NUCKS1: variants seen among roughly 807,000 people sequenced by gnomAD.
NUCKS1 encodes the protein nuclear ubiquitous casein and cyclin-dependent kinase substrate 1.
In NUCKS1, 2 loss-of-function variants were observed where a neutral mutation model predicts 33.0. That is an observed-to-expected ratio of 0.06 (90% CI 0.02 to 0.19). The LOEUF (loss-of-function observed/expected upper bound fraction) is 0.19. Ranked by LOEUF, NUCKS1 falls within the 10% of genes least tolerant of loss-of-function variation. The pLI is 1.00. For synonymous variants in NUCKS1, 106 were observed against 102.8 expected (o/e 1.03, Z -0.19); for missense variants, 201 against 293.6 (o/e 0.68, Z 2.31).
At chr1:205,743,004 T>G (rs1654218575) in intron 1 of NUCKS1, among the ~76,000 whole-genome samples, 1 of 152,136 alleles carries the variant, frequency 6.6e-6, no homozygotes, top group African/African-American at 2.4e-5. Context: ...AAAATGCAAA[T>G]TTAACACTTT....
intron 2 of NUCKS1, among the ~76,000 whole-genome samples, chr1:205,728,887 G>A (rs1466709419): frequency 6.6e-6 from 1 of 152,088 alleles, no homozygotes; most frequent in Non-Finnish European, 1.5e-5. Context: ...CAAGGCACAA[G>A]TTTTATTGTA....
chr1:205,721,677 T>A (rs1464353931), intron 4 of NUCKS1, among the ~76,000 whole-genome samples: 2 of 136,574 alleles, frequency 1.5e-5, no homozygotes, highest in Admixed American at 1.4e-4. Context: ...GTGGAAAACC[T>A]TTTTTTTTTT....
Position 205,723,978 on chromosome 1 carries a change from C to G in NUCKS1, c.177G>C (p.Glu59Asp), listed in dbSNP as rs748676927. The part of the protein sequence containing the change: ...RSGKNSQEDS[E>D]DSEDKDVKTK... The stretch of plus-strand genomic sequence containing the variant: ...TCTTCACATCTTTGTCTTCTGAGTC[C>G]TCACTATAAAGGGAGGCAAAAAAGC... Residue 59 changes from glutamate (E) to aspartate (D), a missense_variant, in exon 4 of 7, where the codon GAG (glutamate) becomes GAC (aspartate). Glu to Asp is a conservative substitution (Grantham distance 45). Transcript: ENST00000367142. 1.9e-6 allele frequency: 3 copies of G among 1,611,824 alleles called. No homozygotes were observed. The highest frequency in any genetic ancestry group is 1.1e-5 in the South Asian group (1 of 91,006).
In NUCKS1 at chr1:205,750,018, A is replaced by AGCCCCCCCCCC; in HGVS notation, c.-46_-45insGGGGGGGGGGC. The AGCCCCCCCCCC allele has an allele frequency of 1.0e-6, 1 of 964,084 alleles. No homozygotes were observed. The highest frequency in any genetic ancestry group is 1.5e-6 in the Non-Finnish European group (1 of 684,578). The allele number at this position is 964,084 out of a possible 1,614,324, so 59.7% of individuals were successfully genotyped here. ...CCGAGTCGAGAAGCCAAAGACCAGGACCCCCCCCACCCCGCGCGCTCGGCG... is the reference window on the plus strand; with the variant it reads ...CCGAGTCGAGAAGCCAAAGACCAGGAGCCCCCCCCCCCCCCCCCCACCCCGCGCGCTCGGCG... On this transcript the variant is annotated 5_prime_UTR_variant, in exon 1 of 7. Coordinates refer to ENST00000367142, the MANE Select transcript of NUCKS1 (RefSeq NM_022731.5).
intron 1 of NUCKS1, among the ~76,000 whole-genome samples, chr1:205,737,516 G>A (rs543702174): frequency 2.6e-5 from 4 of 152,300 alleles, no homozygotes; most frequent in East Asian, 1.9e-4. Context: ...AGCCCTCTCC[G>A]GGTAAGGCTG....
intron 1 of NUCKS1, among the ~76,000 whole-genome samples, chr1:205,734,523 G>C (rs186632203): frequency 6.6e-6 from 1 of 152,162 alleles, no homozygotes; most frequent in East Asian, 1.9e-4. Flanking sequence ...AAATGCTAAA[G>C]AGGGAAAAGA....
rs746939778 is a variant in NUCKS1, at chr1:205,750,051, C to T, written c.-78G>A. On this transcript the variant is annotated 5_prime_UTR_variant, in exon 1 of 7. Coordinates refer to ENST00000367142, the MANE Select transcript of NUCKS1 (RefSeq NM_022731.5). ...CACCCCGCGCGCTCGGCGCCCCACC[C>T]CCCCCGAACTTCAGCCGATGGGACC... 1.6e-6 allele frequency: 2 copies of T among 1,264,762 alleles called. No individual in the cohort carries two copies. The highest frequency in any genetic ancestry group is 2.1e-6 in the Non-Finnish European group (2 of 952,834). 78.3% of individuals were successfully genotyped at this position (1,264,762 alleles called of 1,614,324 possible). A position where few individuals can be genotyped will look rare whatever the true frequency, so the allele number is the denominator to read the frequency against.
chr1:205,716,428 G>C lies in NUCKS1; in HGVS notation c.*1852C>G, dbSNP rs1233115027. On this transcript the variant is annotated 3_prime_UTR_variant, in exon 7 of 7. Transcript: ENST00000367142. ...CTGAACAAACCCATTTAGGCAAATA[G>C]ATTAATCTTTAACACCCTCATTACA... 2 of 152,156 alleles carry C rather than the reference G, an allele frequency of 1.3e-5. No homozygotes were observed. The highest frequency in any genetic ancestry group is 1.5e-5 in the Non-Finnish European group (1 of 68,018). 9.4% of individuals were successfully genotyped at this position (152,156 alleles called of 1,614,324 possible). A position where few individuals can be genotyped will look rare whatever the true frequency, so the allele number is the denominator to read the frequency against.
At chr1:205,721,452 CATT>C (rs1671914932) in intron 4 of NUCKS1, among the ~76,000 whole-genome samples, 1 of 152,272 alleles carries the variant, frequency 6.6e-6, no homozygotes, top group South Asian at 2.1e-4. Flanking sequence ...AAAGTTACAT[CATT>C]GCTTTGCTCT....
intron 3 of NUCKS1, 123 bp from the exon 4 acceptor site, chr1:205,724,104 A>G (rs1198712693): frequency 1.3e-6 from 1 of 786,558 alleles, no homozygotes; most frequent in Non-Finnish European, 2.3e-6. Flanking sequence ...AAATCTTCAA[A>G]CAAATGCTAA....
intron 1 of NUCKS1, among the ~76,000 whole-genome samples, chr1:205,742,071 G>T (rs1654190040): frequency 6.6e-6 from 1 of 152,232 alleles, no homozygotes; most frequent in South Asian, 2.1e-4. Flanking sequence ...TGGAAGACAA[G>T]CAGCTGTATG....
rs115707497 is a variant in NUCKS1, at chr1:205,735,280, A to G, written c.18-5659T>C. Among the ~76,000 whole-genome samples, 626 of 152,290 alleles carry G rather than the reference A, an allele frequency of 4.1e-3. 1 individual carries two copies. Among genetic ancestry groups the G allele is most frequent in the African/African-American group, 0.012 (491 of 41,556 alleles). Reference sequence around the variant, plus strand: ...TATAAATACCTACCATTGTGTTACAATTGCTTACAGTATTCAGTACAGTAA... The same window carrying G: ...TATAAATACCTACCATTGTGTTACAGTTGCTTACAGTATTCAGTACAGTAA... On this transcript the variant is annotated intron_variant, in intron 1 of 6. Transcript: ENST00000367142.
chr1:205,725,921 C>T (rs1653763685), intron 3 of NUCKS1, among the ~76,000 whole-genome samples: 1 of 152,122 alleles, frequency 6.6e-6, no homozygotes, highest in South Asian at 2.1e-4. Flanking sequence ...AACTGTTTGG[C>T]CCGGCGCGGT....
intron 1 of NUCKS1, among the ~76,000 whole-genome samples, chr1:205,749,439 C>G (rs1300398331): frequency 6.6e-6 from 1 of 152,204 alleles, no homozygotes; most frequent in African/African-American, 2.4e-5. Context: ...CTGCCCCTCC[C>G]CCTTTGCCAG....
At chr1:205,739,688 T>G (rs1654117397) in intron 1 of NUCKS1, among the ~76,000 whole-genome samples, 1 of 152,110 alleles carries the variant, frequency 6.6e-6, no homozygotes, top group Non-Finnish European at 1.5e-5. Context: ...ACTCCTGAGC[T>G]CAAGCAATCT....
chr1:205,718,426 T>C lies in NUCKS1; in HGVS notation c.586A>G (p.Lys196Glu). The C allele has an allele frequency of 6.2e-7, 1 of 1,612,982 alleles. No individual in the cohort carries two copies. The highest frequency in any genetic ancestry group is 8.5e-7 in the Non-Finnish European group (1 of 1,179,910). ...KGKVGRPTAS[K>E]ASKEKTPSPK... ...GAAGGAGTCTTTTCCTTTGATGCCT[T>C]TGAAGCTGTGGGGCGACCCACTTTC... Residue 196 changes from lysine (K) to glutamate (E), a missense_variant, in exon 7 of 7, where the codon AAG (lysine) becomes GAG (glutamate). By Grantham distance (56) the Lys-to-Glu change is moderately conservative (BLOSUM62 1). Transcript: ENST00000367142.
chr1:205,742,973 T>C (rs1258527108), intron 1 of NUCKS1, among the ~76,000 whole-genome samples: 1 of 152,206 alleles, frequency 6.6e-6, no homozygotes, highest in Non-Finnish European at 1.5e-5. Flanking sequence ...CACATTCCTT[T>C]TACAGCTAGG....
chr1:205,747,871 A>G (rs998397324), intron 1 of NUCKS1, among the ~76,000 whole-genome samples: 11 of 152,244 alleles, frequency 7.2e-5, no homozygotes, highest in Admixed American at 1.3e-4. Context: ...ACTCAAGTTT[A>G]ATTATTTCTG....
chr1:205,723,781 A>C (rs1571572664), intron 4 of NUCKS1, 145 bp downstream of exon 4: 3 of 599,806 alleles, frequency 5.0e-6, no homozygotes, highest in Non-Finnish European at 8.8e-6. Context: ...CAGGACTGAC[A>C]ATCATTAGGA....
Sources: gnomAD v4.1 joint callset for allele counts (sites outside exome capture counted in the v4.1 genomes callset) on GRCh38, gnomAD v4.1.1 for gene constraint, MANE v1.5 for transcripts, NCBI Gene and HGNC (gene_info 2026-07-23, HGNC 2026-07-21) for gene names.